The following FTO variants were observed in gnomAD, a reference collection of about 807,000 sequenced individuals.
FTO encodes FTO alpha-ketoglutarate dependent dioxygenase.
FTO carries 47 observed loss-of-function variants against 63.9 expected under a neutral mutation model. The ratio of observed to expected loss-of-function variants is 0.74; its 90% CI spans 0.58 to 0.94. The LOEUF (loss-of-function observed/expected upper bound fraction) is 0.94. Among genes scored for constraint, FTO ranks in the 40% least tolerant of loss-of-function variants. The probability of loss-of-function intolerance (pLI) is 0.00; values close to 1 mark genes in which losing one functional copy is unlikely to be tolerated. For missense variants in FTO, 562 were observed against 618.1 expected, an observed-to-expected ratio of 0.91 and a Z score of 0.96; for synonymous variants, 207 against 224.4, an observed-to-expected ratio of 0.92 and a Z score of 0.69.
At chr16:53,788,996 G>A (rs1250484403) in intron 1 of FTO, among the ~76,000 whole-genome samples, 4 of 152,160 alleles carry the variant, frequency 2.6e-5, no homozygotes, top group Non-Finnish European at 5.9e-5. Flanking sequence ...CTTAAATTCT[G>A]TTATAGTCAT....
intron 8 of FTO, among the ~76,000 whole-genome samples, chr16:54,075,939 G>A (rs1021783462): frequency 6.6e-6 from 1 of 152,122 alleles, no homozygotes; most frequent in Non-Finnish European, 1.5e-5. Context: ...TAAAATGCTT[G>A]TCCCAAATCC....
chr16:53,800,900 C>G (rs1205812715), intron 1 of FTO, among the ~76,000 whole-genome samples: 2 of 152,004 alleles, frequency 1.3e-5, no homozygotes, highest in East Asian at 3.9e-4. Context: ...ATCATTTTAA[C>G]CATTTTAAAG....
At chr16:53,787,222 A>G (rs1033849460) in intron 1 of FTO, among the ~76,000 whole-genome samples, 5 of 150,042 alleles carry the variant, frequency 3.3e-5, no homozygotes, top group East Asian at 2.0e-4. Flanking sequence ...TACAACTTCT[A>G]TGTCTTGGTG....
intron 6 of FTO, among the ~76,000 whole-genome samples, chr16:53,880,830 G>A (rs1415708762): frequency 6.6e-6 from 1 of 150,872 alleles, no homozygotes; most frequent in Non-Finnish European, 1.5e-5. Flanking sequence ...ATGGCCGGGT[G>A]TGGTGGCTCA....
In FTO at chr16:54,035,289, C is replaced by T. The variant is rs1385005222; in HGVS notation, c.1365-76473C>T. Among the ~76,000 whole-genome samples, 5 of 152,196 alleles carry T rather than the reference C, an allele frequency of 3.3e-5. No individual in the cohort carries two copies. The East Asian group carries it at 7.7e-4, about 23-fold the overall frequency. On this transcript the variant is annotated intron_variant, in intron 8 of 8. Transcript: ENST00000471389. ...ATTCACATCCAGAAATGAAATGAAA[C>T]CCCTACGAGGCTCCTTCTTCATTTT...
At chr16:53,895,555 C>T (rs1035109359) in intron 7 of FTO, among the ~76,000 whole-genome samples, 10 of 152,204 alleles carry the variant, frequency 6.6e-5, no homozygotes, top group South Asian at 2.1e-4. Context: ...TTTCTTAAAG[C>T]TGCTACAGCC....
chr16:54,005,068 T>TA (rs777739385), intron 8 of FTO, among the ~76,000 whole-genome samples: 21,742 of 97,432 alleles, frequency 0.22, 2,271 homozygotes, highest in Non-Finnish European at 0.24. Context: ...AGGCTCCGTC[T>TA]AAAAAAAAAA....
intron 8 of FTO, among the ~76,000 whole-genome samples, chr16:53,947,408 G>A (rs1333183976): frequency 6.6e-6 from 1 of 152,182 alleles, no homozygotes; most frequent in Non-Finnish European, 1.5e-5. Flanking sequence ...TCTGCAAAGT[G>A]TGAGATAGAT....
At chr16:53,729,832 T>A (rs1020956852) in intron 1 of FTO, among the ~76,000 whole-genome samples, 2 of 152,210 alleles carry the variant, frequency 1.3e-5, no homozygotes, top group African/African-American at 2.4e-5. Flanking sequence ...CCACCTCTTC[T>A]GAGACTTCTG....
chr16:53,910,235 C>T (rs2081653981), intron 7 of FTO, among the ~76,000 whole-genome samples: 1 of 151,998 alleles, frequency 6.6e-6, no homozygotes. Flanking sequence ...TGGGGTAGAA[C>T]TAGAGAACAA....
intron 8 of FTO, among the ~76,000 whole-genome samples, chr16:53,963,594 G>A (rs1396697183): frequency 2.0e-5 from 3 of 152,094 alleles, no homozygotes; most frequent in African/African-American, 7.2e-5. Context: ...TAAAAAGTGT[G>A]TACCACCTCT....
chr16:53,783,611 A>ATC (rs2077648786), intron 1 of FTO, among the ~76,000 whole-genome samples: 5 of 149,468 alleles, frequency 3.3e-5, no homozygotes, highest in South Asian at 2.1e-4. Context: ...CCATAAAAAA[A>ATC]AAAAAAAAAA....
At chr16:53,704,713 C>T (rs1357609062) in intron 1 of FTO, among the ~76,000 whole-genome samples, 2 of 152,298 alleles carry the variant, frequency 1.3e-5, no homozygotes, top group Admixed American at 1.3e-4. Flanking sequence ...CTACATTGCT[C>T]CTCTCTACCT....
intron 7 of FTO, among the ~76,000 whole-genome samples, chr16:53,890,345 AC>A (rs2081114469): frequency 6.6e-6 from 1 of 152,192 alleles, no homozygotes; most frequent in African/African-American, 2.4e-5. Flanking sequence ...CCTTCATGAA[AC>A]CATCACAGCA....
chr16:53,867,319 A>G (rs1429967154), intron 4 of FTO, among the ~76,000 whole-genome samples: 1 of 121,432 alleles, frequency 8.2e-6, no homozygotes, highest in East Asian at 2.6e-4. Context: ...AATTTGTCAG[A>G]AGAAGAATGA....
chr16:53,899,100 G>A (rs1358962521), intron 7 of FTO, among the ~76,000 whole-genome samples: 2 of 152,078 alleles, frequency 1.3e-5, no homozygotes, highest in African/African-American at 2.4e-5. Context: ...ACCCCAAAAC[G>A]TCTTTAACTT....
At chr16:53,827,886 C>T (rs2079050933) in intron 3 of FTO, among the ~76,000 whole-genome samples, 1 of 152,184 alleles carries the variant, frequency 6.6e-6, no homozygotes, top group Non-Finnish European at 1.5e-5. Flanking sequence ...TAGTTTCTTT[C>T]TTAAGGAGAC....
At chr16:53,802,434 T>C (rs1475858404) in intron 1 of FTO, among the ~76,000 whole-genome samples, 1 of 152,200 alleles carries the variant, frequency 6.6e-6, no homozygotes, top group Non-Finnish European at 1.5e-5. Context: ...GAAACCCATA[T>C]ATATGGAGGG....
intron 1 of FTO, among the ~76,000 whole-genome samples, chr16:53,738,179 C>T (rs971265239): frequency 7.2e-5 from 11 of 152,166 alleles, no homozygotes; most frequent in Admixed American, 3.3e-4. Context: ...TGCGCCACCA[C>T]GCCCAGCTAA....
Sources: gnomAD v4.1 joint callset for allele counts (sites outside exome capture counted in the v4.1 genomes callset) on GRCh38, gnomAD v4.1.1 for gene constraint, MANE v1.5 for transcripts, NCBI Gene and HGNC (gene_info 2026-07-23, HGNC 2026-07-21) for gene names.